Variants in TIMP2 observed in about 807,000 individuals in gnomAD.
The protein encoded by TIMP2 is metalloproteinase inhibitor 2.
A neutral mutation model predicts 24.3 loss-of-function variants in TIMP2; 5 were observed. That is an observed-to-expected ratio of 0.21 (90% CI 0.11 to 0.43). The LOEUF is 0.43. Among genes scored for constraint, TIMP2 ranks in the 20% least tolerant of loss-of-function variants. The pLI, the probability that TIMP2 is intolerant of heterozygous loss-of-function variation, is 1.00. For missense variants in TIMP2, 221 were observed against 297.5 expected (o/e 0.74, Z 1.89); for synonymous variants, 130 against 123.2 (o/e 1.06, Z -0.37).
At chr17:78,897,051 C>T (rs556016196) in intron 1 of TIMP2, 1 of 969,508 alleles carries the variant, frequency 1.0e-6, no homozygotes, top group South Asian at 4.8e-5. Flanking sequence ...CACCCAGGGA[C>T]CCTCCACCCA....
chr17:78,871,491 T>C (rs116033121), intron 2 of TIMP2, among the ~76,000 whole-genome samples: 2,587 of 150,380 alleles, frequency 0.017, 85 homozygotes, highest in African/African-American at 0.059. Context: ...AGACTTCTTA[T>C]AGCAAAGTGA....
At chr17:78,876,216 A>C (rs1045517659) in intron 1 of TIMP2, among the ~76,000 whole-genome samples, 2 of 152,066 alleles carry the variant, frequency 1.3e-5, no homozygotes, top group African/African-American at 2.4e-5. Context: ...CGCCTTTGCA[A>C]CCTGAAGTCA....
chr17:78,916,037 A>C (rs2070255088), intron 1 of TIMP2, among the ~76,000 whole-genome samples: 1 of 152,158 alleles, frequency 6.6e-6, no homozygotes, highest in Non-Finnish European at 1.5e-5. Flanking sequence ...CCATGTCATG[A>C]TTCACCTCCC....
chr17:78,890,788 A>C, intron 1 of TIMP2: 2 of 1,550,538 alleles, frequency 1.3e-6, no homozygotes, highest in Non-Finnish European at 1.7e-6. Flanking sequence ...CCGATGGGGA[A>C]GTGGTGCTGA....
chr17:78,860,329 T>C (rs2069558023), intron 3 of TIMP2, among the ~76,000 whole-genome samples: 1 of 152,268 alleles, frequency 6.6e-6, no homozygotes. Flanking sequence ...CCTCAGGCTG[T>C]GCCCTAAGCA....
At chr17:78,860,080 G>A (rs965517304) in intron 3 of TIMP2, among the ~76,000 whole-genome samples, 3 of 152,148 alleles carry the variant, frequency 2.0e-5, no homozygotes, top group Non-Finnish European at 4.4e-5. Flanking sequence ...GGAGGCTGAG[G>A]CAGGAGAATC....
chr17:78,890,822 T>C (rs1455722269), intron 1 of TIMP2: 3 of 1,550,666 alleles, frequency 1.9e-6, no homozygotes, highest in Non-Finnish European at 2.6e-6. Flanking sequence ...CTCCCTTTCC[T>C]GGGCTCTCGT....
chr17:78,906,868 C>T lies in TIMP2; in HGVS notation c.130+18091G>A, dbSNP rs1255511690. Among the ~76,000 whole-genome samples, 6 of 151,756 alleles carry T rather than the reference C, an allele frequency of 4.0e-5. No individual in the cohort carries two copies. The South Asian group carries it at 8.4e-4, about 21-fold the overall frequency. ...AAAGTGCTGGGATTACAGGCGTGAG[C>T]CACCGTGTCTGGCCGGCAGGCCCAC... On this transcript the variant is annotated intron_variant, in intron 1 of 4. Coordinates refer to ENST00000262768, the MANE Select transcript of TIMP2 (RefSeq NM_003255.5).
intron 3 of TIMP2, among the ~76,000 whole-genome samples, chr17:78,868,917 C>T (rs1157940242): frequency 1.3e-5 from 2 of 152,018 alleles, no homozygotes; most frequent in East Asian, 1.9e-4. Flanking sequence ...GCGACTGGAG[C>T]GGGTGCTGTG....
At chr17:78,915,615 G>A (rs1295684231) in intron 1 of TIMP2, among the ~76,000 whole-genome samples, 1 of 151,784 alleles carries the variant, frequency 6.6e-6, no homozygotes, top group Non-Finnish European at 1.5e-5. Flanking sequence ...TGCTTCCCAG[G>A]TTCAAGCGAT....
rs764372994 is a variant in TIMP2 at position 78,855,880 on chromosome 17, C to G, written c.466-16G>C. Reference sequence around the variant, plus strand: ...AGCGCGTGATCTGGGGAGGGGCACACGGAGGGGGACGGAGTCAGGGACCCA... The same window carrying G: ...AGCGCGTGATCTGGGGAGGGGCACAGGGAGGGGGACGGAGTCAGGGACCCA... On this transcript the variant is annotated splice_polypyrimidine_tract_variant and intron_variant, in intron 4 of 4. Transcript: ENST00000262768. The surrounding 1 kb of genome is among the most constrained non-coding windows in gnomAD (Gnocchi z 6.0). 1.9e-6 allele frequency: 3 copies of G among 1,613,038 alleles called. No homozygotes were observed. The South Asian group carries it at 3.3e-5, about 18-fold the overall frequency.
At position 78,865,548 on chromosome 17, in the gene TIMP2, C is replaced by T. The variant is rs571170922; in HGVS notation, c.340+5350G>A. Among the ~76,000 whole-genome samples, 6 of 149,744 alleles carry T rather than the reference C, an allele frequency of 4.0e-5. No individual in the cohort carries two copies. The South Asian group carries it at 1.1e-3, about 26-fold the overall frequency. ...CTGAGGCAGGAGAATCACTTGAACC[C>T]GGGAGGCAGAGGTTGTGGTGAGTTG... On this transcript the variant is annotated intron_variant, in intron 3 of 4. Coordinates refer to ENST00000262768, the MANE Select transcript of TIMP2 (RefSeq NM_003255.5).
chr17:78,869,073 T>C (rs2069644569), intron 3 of TIMP2, among the ~76,000 whole-genome samples: 1 of 152,196 alleles, frequency 6.6e-6, no homozygotes, highest in South Asian at 2.1e-4. Context: ...TCAGCCTAGC[T>C]GGGCAAGCAG....
At chr17:78,894,238 A>C (rs2069963553) in intron 1 of TIMP2, among the ~76,000 whole-genome samples, 1 of 152,006 alleles carries the variant, frequency 6.6e-6, no homozygotes, top group Non-Finnish European at 1.5e-5. Flanking sequence ...GGCAGAGATG[A>C]AGATGCTTAA....
intron 1 of TIMP2, among the ~76,000 whole-genome samples, chr17:78,918,065 A>ACACACACACGC (rs1555652947): frequency 1.4e-4 from 20 of 144,932 alleles, no homozygotes; most frequent in African/African-American, 4.2e-4. Flanking sequence ...TGCACACACA[A>ACACACACACGC]ACACACACAC....
At chr17:78,857,449 G>T (rs765053147) in intron 4 of TIMP2, 73 bp downstream of exon 4, 1 of 1,598,768 alleles carries the variant, frequency 6.3e-7, no homozygotes, top group South Asian at 1.1e-5. Context: ...GAAAGCCAGG[G>T]ATCAAAATCC....
intron 3 of TIMP2, among the ~76,000 whole-genome samples, chr17:78,866,032 G>GT (rs1211812732): frequency 6.6e-6 from 1 of 152,192 alleles, no homozygotes; most frequent in Non-Finnish European, 1.5e-5. Flanking sequence ...AAAACTGGAA[G>GT]TAAGTTCCCT....
chr17:78,893,118 CAT>C (rs967150542), intron 1 of TIMP2, among the ~76,000 whole-genome samples: 12 of 139,494 alleles, frequency 8.6e-5, no homozygotes, highest in Non-Finnish European at 1.7e-4. Context: ...TGCACATGCA[CAT>C]GTGTGTGCAG....
At chr17:78,865,433 T>C (rs1278316456) in intron 3 of TIMP2, among the ~76,000 whole-genome samples, 1 of 152,082 alleles carries the variant, frequency 6.6e-6, no homozygotes, top group African/African-American at 2.4e-5. Flanking sequence ...GAGACCAGCC[T>C]GGCCAACACA....
Sources: gnomAD v4.1 joint callset for allele counts (sites outside exome capture counted in the v4.1 genomes callset) on GRCh38, gnomAD v4.1.1 for gene constraint, Gnocchi (gnomAD v3.1) non-coding constraint, MANE v1.5 for transcripts, NCBI Gene and HGNC (gene_info 2026-07-23, HGNC 2026-07-21) for gene names.